The following ACBD6 variants were observed in gnomAD, a reference collection of about 807,000 sequenced individuals.
The protein encoded by ACBD6 is acyl-CoA-binding domain-containing protein 6.
ACBD6 carries 28 observed loss-of-function variants against 37.2 expected under a neutral mutation model. That is an observed-to-expected ratio of 0.75 (90% CI 0.56 to 1.03). The LOEUF (loss-of-function observed/expected upper bound fraction) is 1.03, where lower values mean the gene tolerates loss of function less well. Ranked by LOEUF, ACBD6 falls within the 50% of genes least tolerant of loss-of-function variation. The pLI, the probability that ACBD6 is intolerant of heterozygous loss-of-function variation, is 0.00. For synonymous variants in ACBD6, 113 were observed against 126.8 expected, an observed-to-expected ratio of 0.89 and a Z score of 0.73; for missense variants, 340 against 337.4, an observed-to-expected ratio of 1.01 and a Z score of -0.06.
intron 6 of ACBD6, among the ~76,000 whole-genome samples, chr1:180,350,161 G>A (rs1652355673): frequency 6.6e-6 from 1 of 151,846 alleles, no homozygotes; most frequent in Admixed American, 6.6e-5. Context: ...AAGTAGCTGG[G>A]ACTATAAATG....
intron 10 of ACBD6, chr1:180,274,144 T>C (rs1280581355): frequency 5.6e-6 from 9 of 1,613,440 alleles, no homozygotes; most frequent in Non-Finnish European, 7.6e-6. Flanking sequence ...ACCATCAGAG[T>C]CCTGGCAGCT....
intron 4 of ACBD6, among the ~76,000 whole-genome samples, chr1:180,429,892 C>T (rs72714892): frequency 0.042 from 6,370 of 152,102 alleles, 220 homozygotes; most frequent in South Asian, 0.089. Flanking sequence ...CACTAGACAC[C>T]AATGAAAAGT....
intron 6 of ACBD6, among the ~76,000 whole-genome samples, chr1:180,321,507 T>A (rs750323149): frequency 1.4e-4 from 21 of 152,182 alleles, no homozygotes; most frequent in Admixed American, 6.5e-5. Flanking sequence ...ATCTTTCACT[T>A]CTTTGGTTAA....
intron 7 of ACBD6, among the ~76,000 whole-genome samples, chr1:180,304,472 G>C (rs564923992): frequency 5.3e-5 from 8 of 150,246 alleles, no homozygotes; most frequent in South Asian, 2.1e-4. Flanking sequence ...AACAGACAGA[G>C]AGCCAAATCA....
intron 5 of ACBD6, among the ~76,000 whole-genome samples, chr1:180,407,552 T>C (rs1014587374): frequency 6.6e-6 from 1 of 152,180 alleles, no homozygotes; most frequent in African/African-American, 2.4e-5. Context: ...ATAAAAGAAA[T>C]TGCTGCAAAC....
chr1:180,271,684 A>T, exon 14 of ACBD6: 1 of 1,308,618 alleles, frequency 7.6e-7, no homozygotes, highest in Non-Finnish European at 1.1e-6. Context: ...TCTGAGGCCC[A>T]CCTGGGGAGA....
At chr1:180,350,178 A>C (rs1402645850) in intron 6 of ACBD6, among the ~76,000 whole-genome samples, 3 of 152,082 alleles carry the variant, frequency 2.0e-5, no homozygotes, top group African/African-American at 7.2e-5. Context: ...AATGCAGGCC[A>C]TTATGCCTGG....
chr1:180,380,243 T>C (rs1354325289), intron 6 of ACBD6, among the ~76,000 whole-genome samples: 1 of 150,740 alleles, frequency 6.6e-6, no homozygotes, highest in Non-Finnish European at 1.5e-5. Context: ...AGTGAGATCA[T>C]GTGGCAAAAA....
At chr1:180,500,432 C>A (rs978264460) in intron 1 of ACBD6, among the ~76,000 whole-genome samples, 1 of 152,078 alleles carries the variant, frequency 6.6e-6, no homozygotes. Flanking sequence ...GTGGCTCACA[C>A]CTGTAATCCC....
intron 6 of ACBD6, among the ~76,000 whole-genome samples, chr1:180,331,304 T>C (rs1651472157): frequency 6.6e-6 from 1 of 152,198 alleles, no homozygotes. Flanking sequence ...ATAATGTTAC[T>C]TAGTAATATA....
At position 180,502,468 on chromosome 1, in the gene ACBD6, C is replaced by T; in HGVS notation, c.-202G>A. ...TGGGCGTGCAGAGCAGGCTCCTCGA[C>T]CCTCTGCCGCTCTGCCCAGTCGACC... On this transcript the variant is annotated 5_prime_UTR_variant, in exon 1 of 8. Coordinates refer to ENST00000367595, the MANE Select transcript of ACBD6 (RefSeq NM_032360.4). The T allele has an allele frequency of 6.4e-6, 4 of 627,624 alleles. No homozygotes were observed. Among genetic ancestry groups the T allele is most frequent in the Non-Finnish European group, 5.7e-6 (2 of 352,642 alleles). 38.9% of individuals were successfully genotyped at this position (627,624 alleles called of 1,614,324 possible).
At chr1:180,479,111 C>A (rs372081384) in intron 3 of ACBD6, among the ~76,000 whole-genome samples, 2 of 152,168 alleles carry the variant, frequency 1.3e-5, no homozygotes, top group South Asian at 4.2e-4. Flanking sequence ...CCAGCCTGGG[C>A]AACACAGCAA....
At chr1:180,413,894 T>G (rs925518828) in intron 4 of ACBD6, among the ~76,000 whole-genome samples, 3 of 152,296 alleles carry the variant, frequency 2.0e-5, no homozygotes, top group Middle Eastern at 3.4e-3. Context: ...CACTTAATCT[T>G]TCATGCAACT....
intron 3 of ACBD6, among the ~76,000 whole-genome samples, chr1:180,468,478 G>T (rs1650437965): frequency 6.6e-6 from 1 of 152,158 alleles, no homozygotes; most frequent in South Asian, 2.1e-4. Flanking sequence ...ATGCGTGACT[G>T]GGTTTATTTT....
intron 6 of ACBD6, among the ~76,000 whole-genome samples, chr1:180,368,434 A>C (rs990177909): frequency 6.6e-5 from 10 of 152,062 alleles, no homozygotes; most frequent in African/African-American, 2.4e-4. Context: ...TGATGTCTTT[A>C]TCATGAAATC....
chr1:180,391,614 A>T (rs781506980), intron 6 of ACBD6, among the ~76,000 whole-genome samples: 1 of 152,174 alleles, frequency 6.6e-6, no homozygotes, highest in Non-Finnish European at 1.5e-5. Context: ...GCTACTTCCC[A>T]TACCTTAGGG....
At chr1:180,380,707 G>T (rs996243218) in intron 6 of ACBD6, among the ~76,000 whole-genome samples, 35 of 151,862 alleles carry the variant, frequency 2.3e-4, no homozygotes, top group Admixed American at 2.2e-3. Context: ...AACCACTGGT[G>T]GAGCAAACAC....
At chr1:180,433,609 T>A (rs1342048943) in intron 3 of ACBD6, among the ~76,000 whole-genome samples, 1 of 69,092 alleles carries the variant, frequency 1.4e-5, no homozygotes, top group South Asian at 4.9e-4. Context: ...TGTGTGTGTG[T>A]GTGTGTGTGT....
rs115557360 is a variant in ACBD6, at chr1:180,344,475, T to C, written c.664-29753A>G. ...AATATATTTTTAAAAAAGTATTTTG[T>C]AGAAAAACAGTTAAAAAATAAAAGG... On this transcript the variant is annotated intron_variant, in intron 6 of 7. Transcript: ENST00000367595. Among the ~76,000 whole-genome samples the C allele has an allele frequency of 2.5e-3, 375 of 152,330 alleles. 2 individuals are homozygous for C. The highest frequency in any genetic ancestry group is 4.8e-3 in the Non-Finnish European group (326 of 68,022).
Sources: allele counts gnomAD v4.1 joint callset (sites outside exome capture counted in the v4.1 genomes callset), GRCh38; gene constraint gnomAD v4.1.1; transcripts MANE v1.5; gene names NCBI Gene and HGNC (gene_info 2026-07-23, HGNC 2026-07-21).